EFHC1: variants seen among roughly 807,000 people sequenced by gnomAD.
The protein encoded by EFHC1 is EF-hand domain containing 1, also known as EF-hand domain-containing protein 1.
A neutral mutation model predicts 69.9 loss-of-function variants in EFHC1; 53 were observed. That is an observed-to-expected ratio of 0.76 (90% CI 0.61 to 0.95). The LOEUF (loss-of-function observed/expected upper bound fraction) is 0.95. Ranked by LOEUF, EFHC1 falls within the 40% of genes least tolerant of loss-of-function variation. EFHC1 has a pLI of 0.00. For missense variants in EFHC1, 739 were observed against 798.7 expected (o/e 0.93, Z 0.90); for synonymous variants, 256 against 278.4 (o/e 0.92, Z 0.80).
chr6:52,440,064 A>G (rs1280005237), intron 3 of EFHC1, among the ~76,000 whole-genome samples: 2 of 152,118 alleles, frequency 1.3e-5, no homozygotes, highest in Non-Finnish European at 2.9e-5. Context: ...GACCTAATCT[A>G]TTTATAGTCG....
intron 1 of EFHC1, 27 bp downstream of exon 1, chr6:52,420,500 C>G: frequency 6.2e-7 from 1 of 1,614,072 alleles, no homozygotes; most frequent in Non-Finnish European, 8.5e-7. Flanking sequence ...CAGACTCCCA[C>G]CTGTCCCCAC....
At chr6:52,438,941 G>A (rs1457079873) in intron 3 of EFHC1, among the ~76,000 whole-genome samples, 3 of 152,158 alleles carry the variant, frequency 2.0e-5, no homozygotes, top group Admixed American at 6.6e-5. Context: ...TTTATCTTAA[G>A]TGTGAGTTTA....
intron 3 of EFHC1, among the ~76,000 whole-genome samples, chr6:52,449,728 A>T (rs1764873901): frequency 6.6e-6 from 1 of 152,116 alleles, no homozygotes; most frequent in South Asian, 2.1e-4. Flanking sequence ...ACATTAGTCT[A>T]GCTAGTGGCC....
intron 2 of EFHC1, among the ~76,000 whole-genome samples, chr6:52,428,627 A>G (rs556517281): frequency 1.3e-5 from 2 of 152,302 alleles, no homozygotes; most frequent in African/African-American, 4.8e-5. Context: ...TGCAGTTGCA[A>G]ATTGTGCTGC....
chr6:52,487,358 GT>G (rs978893908), intron 9 of EFHC1: 1 of 152,166 alleles, frequency 6.6e-6, no homozygotes, highest in African/African-American at 2.4e-5. Context: ...AAAGCCTATT[GT>G]GTGTGTCTTT....
intron 6 of EFHC1, among the ~76,000 whole-genome samples, chr6:52,468,041 T>C (rs1031322342): frequency 1.3e-5 from 2 of 152,242 alleles, no homozygotes; most frequent in Admixed American, 1.3e-4. Flanking sequence ...GCTTCTCTGC[T>C]AGATCAGGAA....
At chr6:52,452,013 G>T (rs1764925937) in intron 3 of EFHC1, among the ~76,000 whole-genome samples, 2 of 152,142 alleles carry the variant, frequency 1.3e-5, no homozygotes, top group Non-Finnish European at 1.5e-5. Flanking sequence ...CCATGGTTAG[G>T]TTCCAGATAT....
intron 6 of EFHC1, among the ~76,000 whole-genome samples, chr6:52,465,519 A>G (rs1765284893): frequency 6.6e-6 from 1 of 152,054 alleles, no homozygotes; most frequent in Non-Finnish European, 1.5e-5. Context: ...TAAAATGTAT[A>G]TTTTCTGGCT....
chr6:52,470,338 A>G (rs1006506748), intron 7 of EFHC1, among the ~76,000 whole-genome samples: 1 of 152,172 alleles, frequency 6.6e-6, no homozygotes, highest in Non-Finnish European at 1.5e-5. Context: ...CTCCATAAGA[A>G]TTCTGACCAA....
intron 2 of EFHC1, among the ~76,000 whole-genome samples, chr6:52,426,046 T>A (rs1764293898): frequency 6.6e-6 from 1 of 152,242 alleles, no homozygotes; most frequent in Non-Finnish European, 1.5e-5. Flanking sequence ...TTCATCTTTT[T>A]CATCTTCAAG....
In EFHC1 at chr6:52,496,834, G is replaced by T. The variant is rs181895281; in HGVS notation, c.*4493G>T. 2 of 152,242 alleles carry T rather than the reference G, an allele frequency of 1.3e-5. No individual in the cohort carries two copies. Among genetic ancestry groups the T allele is most frequent in the East Asian group, 3.9e-4 (2 of 5,182 alleles). The allele number at this position is 152,242 out of a possible 1,614,324, so 9.4% of individuals were successfully genotyped here. A position where few individuals can be genotyped will look rare whatever the true frequency, so the allele number is the denominator to read the frequency against. ...ATTTCCTCTTTCTCACACCCCATGG[G>T]TGTCCTTGACTAACTGCCACCTGTA... On this transcript the variant is annotated 3_prime_UTR_variant, in exon 11 of 11. Transcript: ENST00000371068.
chr6:52,426,163 A>T (rs985447603), intron 2 of EFHC1, among the ~76,000 whole-genome samples: 1 of 152,188 alleles, frequency 6.6e-6, no homozygotes, highest in African/African-American at 2.4e-5. Context: ...AAGCAAGATA[A>T]CTTTGTTTCT....
chr6:52,445,934 A>C (rs1327596755), intron 3 of EFHC1, among the ~76,000 whole-genome samples: 1 of 152,152 alleles, frequency 6.6e-6, no homozygotes, highest in Non-Finnish European at 1.5e-5. Context: ...ACAGTTTTAT[A>C]TAATTTCTGT....
intron 5 of EFHC1, among the ~76,000 whole-genome samples, chr6:52,455,359 AT>A (rs1221234709): frequency 6.6e-6 from 1 of 151,872 alleles, no homozygotes; most frequent in Non-Finnish European, 1.5e-5. Flanking sequence ...GATATAAGAA[AT>A]TTCAGGTATT....
intron 1 of EFHC1, among the ~76,000 whole-genome samples, chr6:52,421,748 C>T (rs1764195761): frequency 6.6e-6 from 1 of 152,200 alleles, no homozygotes; most frequent in Non-Finnish European, 1.5e-5. Flanking sequence ...TAAGACACAA[C>T]ATCATAGATT....
chr6:52,485,152 G>A (rs1440785448), intron 9 of EFHC1: 1 of 152,018 alleles, frequency 6.6e-6, no homozygotes, highest in African/African-American at 2.4e-5. Context: ...CTAGAGAAGC[G>A]TAGTTTGGTG....
intron 6 of EFHC1, among the ~76,000 whole-genome samples, chr6:52,465,406 A>G (rs1765281047): frequency 6.6e-6 from 1 of 152,212 alleles, no homozygotes; most frequent in African/African-American, 2.4e-5. Context: ...ATTTTCATAT[A>G]CTGTTTATAG....
intron 7 of EFHC1, among the ~76,000 whole-genome samples, chr6:52,469,915 G>C (rs538655329): frequency 1.8e-3 from 273 of 152,226 alleles, no homozygotes; most frequent in Non-Finnish European, 2.0e-3. Context: ...GTGACTAATA[G>C]TTAAGAGCAT....
chr6:52,426,592 C>A (rs1764305751), intron 2 of EFHC1, among the ~76,000 whole-genome samples: 1 of 152,162 alleles, frequency 6.6e-6, no homozygotes, highest in African/African-American at 2.4e-5. Flanking sequence ...AGATCTGTAT[C>A]CCCCTGGCCC....
Sources: gnomAD v4.1 joint callset for allele counts (sites outside exome capture counted in the v4.1 genomes callset) on GRCh38, gnomAD v4.1.1 for gene constraint, MANE v1.5 for transcripts, NCBI Gene and HGNC (gene_info 2026-07-23, HGNC 2026-07-21) for gene names.